Variants in ZNF385D observed in about 807,000 individuals in gnomAD.
ZNF385D encodes zinc finger protein 659.
In ZNF385D, 15 loss-of-function variants were observed where a neutral mutation model predicts 35.8. That is an observed-to-expected ratio of 0.42 (90% CI 0.28 to 0.64). ZNF385D has a LOEUF of 0.64. Ranked by LOEUF, ZNF385D falls within the 30% of genes least tolerant of loss-of-function variation. The probability of loss-of-function intolerance (pLI) is 0.23; values close to 1 mark genes in which losing one functional copy is unlikely to be tolerated. For missense variants in ZNF385D, 474 were observed against 494.6 expected (o/e 0.96, Z 0.39); for synonymous variants, 212 against 186.8 (o/e 1.13, Z -1.10).
At chr3:22,140,675 C>T (rs558883360) in intron 3 of ZNF385D, among the ~76,000 whole-genome samples, 51 of 152,244 alleles carry the variant, frequency 3.3e-4, no homozygotes, top group Admixed American at 9.2e-4. Context: ...TACATGAAAA[C>T]TCCCTGTATT....
At position 21,749,809 on chromosome 3, in the gene ZNF385D, A is replaced by G. The variant is rs1226761432; in HGVS notation, c.22+1086T>C. Reference sequence around the variant, plus strand: ...AAGTGTCTCAAAGCCTAAAGGAAACAAAACAGAGCAAATAGTACATACAGA... The same window carrying G: ...AAGTGTCTCAAAGCCTAAAGGAAACGAAACAGAGCAAATAGTACATACAGA... On this transcript the variant is annotated intron_variant, in intron 1 of 7. Transcript: ENST00000281523. 2.0e-5 allele frequency among the ~76,000 whole-genome samples: 3 copies of G among 152,240 alleles called. No homozygotes were observed. In the East Asian group the frequency reaches 5.8e-4, roughly 29 times the overall value.
intron 1 of ZNF385D, among the ~76,000 whole-genome samples, chr3:21,690,898 C>A (rs923129314): frequency 1.3e-5 from 2 of 152,166 alleles, no homozygotes; most frequent in Non-Finnish European, 2.9e-5. Context: ...ACCCTGTGCA[C>A]CTACGTGATC....
chr3:21,423,423 CA>C, intron 7 of ZNF385D, among the ~76,000 whole-genome samples: 1 of 152,276 alleles, frequency 6.6e-6, no homozygotes, highest in South Asian at 2.1e-4. Flanking sequence ...CAACCAGAAA[CA>C]AACTAACAAA....
intron 2 of ZNF385D, among the ~76,000 whole-genome samples, chr3:22,216,681 A>C (rs1013839743): frequency 2.0e-5 from 3 of 152,172 alleles, no homozygotes; most frequent in African/African-American, 7.2e-5. Context: ...AATGTCATGT[A>C]GTAAAGTCTG....
chr3:22,310,173 G>A (rs1261027250), intron 2 of ZNF385D, among the ~76,000 whole-genome samples: 2 of 151,990 alleles, frequency 1.3e-5, no homozygotes, highest in Non-Finnish European at 2.9e-5. Flanking sequence ...AGGTTAAAAG[G>A]AGATTCCAGA....
At chr3:21,448,283 G>A (rs769930136) in intron 4 of ZNF385D, among the ~76,000 whole-genome samples, 4 of 152,100 alleles carry the variant, frequency 2.6e-5, no homozygotes, top group Admixed American at 1.3e-4. Flanking sequence ...TACAAAAATT[G>A]AGAAAACATT....
At chr3:21,974,639 A>G (rs558010563) in intron 3 of ZNF385D, among the ~76,000 whole-genome samples, 1 of 152,172 alleles carries the variant, frequency 6.6e-6, no homozygotes, top group Non-Finnish European at 1.5e-5. Context: ...GAAACAACCC[A>G]CAGAATGGAA....
intron 3 of ZNF385D, among the ~76,000 whole-genome samples, chr3:22,088,699 TA>T (rs138239573): frequency 0.12 from 18,244 of 152,038 alleles, 1,140 homozygotes; most frequent in East Asian, 0.15. Flanking sequence ...ACTGTGCCAT[TA>T]AAATACAAAC....
At chr3:22,202,761 T>C (rs1047124594) in intron 2 of ZNF385D, among the ~76,000 whole-genome samples, 22 of 152,030 alleles carry the variant, frequency 1.4e-4, no homozygotes, top group African/African-American at 4.8e-4. Flanking sequence ...AGACAGCACA[T>C]TGAATGTGGG....
At chr3:22,031,109 T>C (rs1697971530) in intron 3 of ZNF385D, among the ~76,000 whole-genome samples, 1 of 152,156 alleles carries the variant, frequency 6.6e-6, no homozygotes, top group Non-Finnish European at 1.5e-5. Context: ...TTTGCAGGAT[T>C]CAGCCACGTG....
chr3:21,434,061 T>G lies in ZNF385D; in HGVS notation c.673+2909A>C, dbSNP rs577788416. ...AAATTAACAATGATAGCACAGTGAT[T>G]ATAAATATGAAGAAATAGAATCGGA... On this transcript the variant is annotated intron_variant, in intron 5 of 7. Coordinates refer to ENST00000281523, the MANE Select transcript of ZNF385D (RefSeq NM_024697.3). Among the ~76,000 whole-genome samples the G allele has an allele frequency of 9.1e-4, 139 of 152,290 alleles. 1 individual carries two copies. The highest frequency in any genetic ancestry group is 3.3e-3 in the African/African-American group (136 of 41,566).
chr3:22,318,771 A>G (rs1023883791), intron 2 of ZNF385D, among the ~76,000 whole-genome samples: 1 of 152,220 alleles, frequency 6.6e-6, no homozygotes, highest in Non-Finnish European at 1.5e-5. Flanking sequence ...ATGTAGAAGT[A>G]ATTAAGTACT....
intron 3 of ZNF385D, among the ~76,000 whole-genome samples, chr3:22,032,168 G>A (rs540366799): frequency 4.1e-4 from 62 of 152,276 alleles, no homozygotes; most frequent in Middle Eastern, 3.4e-3. Flanking sequence ...AGGAACTTCC[G>A]AAGTTTCCCA....
At chr3:22,185,280 C>A (rs1251963874) in intron 2 of ZNF385D, among the ~76,000 whole-genome samples, 2 of 152,040 alleles carry the variant, frequency 1.3e-5, no homozygotes, top group African/African-American at 4.8e-5. Context: ...GCATAATAGG[C>A]AAATGTTTAG....
intron 1 of ZNF385D, among the ~76,000 whole-genome samples, chr3:21,687,205 T>C (rs781173055): frequency 7.2e-5 from 11 of 152,178 alleles, no homozygotes; most frequent in Non-Finnish European, 1.6e-4. Flanking sequence ...GGGGTCATCT[T>C]AGACCTTATA....
At chr3:22,015,936 T>A (rs890509797) in intron 3 of ZNF385D, among the ~76,000 whole-genome samples, 30 of 152,122 alleles carry the variant, frequency 2.0e-4, no homozygotes, top group Non-Finnish European at 5.9e-5. Context: ...CTGTGGAGCA[T>A]TCTGTGGGAG....
At chr3:22,279,118 T>C (rs1487137637) in intron 2 of ZNF385D, among the ~76,000 whole-genome samples, 1 of 152,108 alleles carries the variant, frequency 6.6e-6, no homozygotes, top group Non-Finnish European at 1.5e-5. Context: ...TTTTTTGTTT[T>C]ATTTCAATAG....
intron 2 of ZNF385D, among the ~76,000 whole-genome samples, chr3:21,582,343 A>G (rs981896929): frequency 2.0e-5 from 3 of 152,194 alleles, no homozygotes; most frequent in African/African-American, 7.2e-5. Context: ...AACCAGAGCA[A>G]CTTGAAATAA....
At chr3:21,649,619 T>C (rs539343838) in intron 2 of ZNF385D, among the ~76,000 whole-genome samples, 40 of 152,342 alleles carry the variant, frequency 2.6e-4, no homozygotes, top group African/African-American at 8.2e-4. Flanking sequence ...GTCTCTTTCA[T>C]TGAAAGTTTT....
Sources: allele counts gnomAD v4.1 joint callset (sites outside exome capture counted in the v4.1 genomes callset), GRCh38; gene constraint gnomAD v4.1.1; transcripts MANE v1.5; gene names NCBI Gene and HGNC (gene_info 2026-07-23, HGNC 2026-07-21).